The following ABCA9 variants were observed in gnomAD, a reference collection of about 807,000 sequenced individuals.
The protein encoded by ABCA9 is ATP-binding cassette sub-family A member 9.
In ABCA9, 183 loss-of-function variants were observed where a neutral mutation model predicts 205.3. The observed-to-expected ratio is 0.89, with a 90% CI of 0.79 to 1.01. The LOEUF is 1.01. ABCA9 is among the 50% of genes least tolerant of loss of function. ABCA9 has a pLI of 0.00. For synonymous variants in ABCA9, 651 were observed against 683.3 expected, an observed-to-expected ratio of 0.95 and a Z score of 0.74; for missense variants, 1,805 against 1,912.4, an observed-to-expected ratio of 0.94 and a Z score of 1.05.
chr17:69,076,073 A>C, the ABCA9 span, among the ~76,000 whole-genome samples: 3 of 152,148 alleles, frequency 2.0e-5, no homozygotes. Flanking sequence ...GGAGTGGTGA[A>C]AGTGAGCATC....
At chr17:68,984,766 CTAAA>C (rs2069173355) in intron 34 of ABCA9, 115 bp downstream of exon 34, 1 of 1,342,380 alleles carries the variant, frequency 7.4e-7, no homozygotes, top group Non-Finnish European at 1.0e-6. Flanking sequence ...ATTTTTTTTC[CTAAA>C]ATATTGCTTT....
chr17:69,066,580 G>A, the ABCA9 span, among the ~76,000 whole-genome samples: 673 of 151,728 alleles, frequency 4.4e-3, 5 homozygotes, highest in African/African-American at 0.015. Context: ...GAGGGGCTGC[G>A]TAAGACGGTA....
intron 1 of ABCA9, among the ~76,000 whole-genome samples, chr17:69,055,422 A>C (rs2072038688): frequency 6.6e-6 from 1 of 152,232 alleles, no homozygotes; most frequent in Admixed American, 6.5e-5. Context: ...GAAAATTATC[A>C]GGGATAAAGT....
At chr17:69,035,901 G>A (rs1047509291) in intron 6 of ABCA9, 100 bp from the exon 7 acceptor site, 14 of 1,419,546 alleles carry the variant, frequency 9.9e-6, no homozygotes, top group Admixed American at 7.2e-5. Flanking sequence ...CATTTATCAA[G>A]GGTAAAGGAA....
chr17:69,032,078 A>C (rs1184418739), intron 10 of ABCA9, 30 bp downstream of exon 10: 1 of 1,584,982 alleles, frequency 6.3e-7, no homozygotes, highest in East Asian at 2.2e-5. Context: ...CCTGTTCTCC[A>C]TTGGTGCCTC....
chr17:68,986,378 T>C, intron 31 of ABCA9, 54 bp from the exon 32 acceptor site: 3 of 1,518,518 alleles, frequency 2.0e-6, no homozygotes, highest in Non-Finnish European at 8.9e-7. Flanking sequence ...CGTATATGTA[T>C]ATGCATGTAA....
At chr17:69,045,903 C>T (rs1278998546) in intron 3 of ABCA9, among the ~76,000 whole-genome samples, 3 of 152,112 alleles carry the variant, frequency 2.0e-5, no homozygotes, top group South Asian at 2.1e-4. Flanking sequence ...ATGGGGATTA[C>T]AATTCAAGAT....
At chr17:68,998,831 T>A (rs1040564070) in intron 25 of ABCA9, among the ~76,000 whole-genome samples, 7 of 149,616 alleles carry the variant, frequency 4.7e-5, no homozygotes, top group Non-Finnish European at 7.4e-5. Context: ...ATCTAAAATT[T>A]CTTTTTTTTT....
chr17:69,046,960 G>T (rs555512141), intron 3 of ABCA9, among the ~76,000 whole-genome samples: 180 of 138,946 alleles, frequency 1.3e-3, no homozygotes, highest in Non-Finnish European at 2.3e-3. Context: ...TATAATTGTT[G>T]TTTGTTGGTT....
intron 6 of ABCA9, among the ~76,000 whole-genome samples, chr17:69,040,159 G>A (rs1408866619): frequency 6.6e-6 from 1 of 152,136 alleles, no homozygotes; most frequent in Non-Finnish European, 1.5e-5. Context: ...AATTCCTCAA[G>A]GATCTAGAAC....
intron 35 of ABCA9, 41 bp downstream of exon 35, chr17:68,984,015 C>G (rs761764395): frequency 3.1e-6 from 5 of 1,612,334 alleles, no homozygotes; most frequent in Non-Finnish European, 4.2e-6. Context: ...GCTCACAGCA[C>G]ACAACCTAGG....
intron 26 of ABCA9, 41 bp downstream of exon 26, chr17:68,995,854 C>A: frequency 6.2e-7 from 1 of 1,608,006 alleles, no homozygotes; most frequent in Admixed American, 1.7e-5. Context: ...CTCAAATGAC[C>A]ACACATTTCA....
At position 68,995,971 on chromosome 17, in the gene ABCA9, C is replaced by A. The variant is rs778628468; in HGVS notation, c.3479G>T (p.Gly1160Val). ...GGTGCCAAAAAATAGCCCTAGAAAT[C>A]CATATTCATTTAGATCAGTAGCAAC... ...SIVATDLNEYGFLGLFFGTML... is the reference protein window; with the variant it reads ...SIVATDLNEYVFLGLFFGTML... The change falls in exon 26 of 39, where the codon GGA (glycine) becomes GTA (valine). Residue 1160 changes from glycine (G) to valine (V), a missense_variant. Transcript: ENST00000340001. 1.9e-6 allele frequency: 3 copies of A among 1,613,726 alleles called. No homozygotes were observed. Among genetic ancestry groups the A allele is most frequent in the Non-Finnish European group, 2.5e-6 (3 of 1,179,896 alleles).
Position 69,036,483 on chromosome 17 carries a change from G to A in ABCA9, c.801-682C>T, listed in dbSNP as rs551202120. Reference sequence around the variant, plus strand: ...TTCTTTACAGACAAGCAAATGCTGAGGGATTTTGTCACCACCAGGCCTGCC... The same window carrying A: ...TTCTTTACAGACAAGCAAATGCTGAAGGATTTTGTCACCACCAGGCCTGCC... On this transcript the variant is annotated intron_variant, in intron 6 of 38. Transcript: ENST00000340001. Among the ~76,000 whole-genome samples the A allele has an allele frequency of 5.8e-4, 88 of 152,168 alleles. No individual in the cohort carries two copies. In the South Asian group the frequency reaches 0.018, roughly 32 times the overall value.
chr17:68,990,766 A>AAACTT, intron 29 of ABCA9, 71 bp downstream of exon 29: 1 of 1,578,794 alleles, frequency 6.3e-7, no homozygotes. Context: ...TTCGAAAACT[A>AAACTT]AACTTAGAAA....
At chr17:69,068,075 G>C in the ABCA9 span, among the ~76,000 whole-genome samples, 1 of 152,114 alleles carries the variant, frequency 6.6e-6, no homozygotes, top group South Asian at 2.1e-4. Flanking sequence ...ATATATGTTA[G>C]ATTTTGCCTA....
chr17:69,038,522 T>G (rs182652545), intron 6 of ABCA9, among the ~76,000 whole-genome samples: 1 of 152,256 alleles, frequency 6.6e-6, no homozygotes, highest in East Asian at 1.9e-4. Context: ...CAACACCCCT[T>G]CATGCTAAAA....
chr17:69,016,129 C>T (rs970258212), intron 22 of ABCA9, 124 bp downstream of exon 22: 64 of 432,188 alleles, frequency 1.5e-4, no homozygotes, highest in Admixed American at 8.2e-4. Flanking sequence ...TATATACACA[C>T]ACACACACAC....
chr17:68,979,779 T>C (rs1257541448), intron 37 of ABCA9, among the ~76,000 whole-genome samples: 3 of 152,212 alleles, frequency 2.0e-5, no homozygotes, highest in South Asian at 4.1e-4. Context: ...ATACAAAAAT[T>C]AATTCAAGAT....
Sources: gnomAD v4.1 joint callset for allele counts (sites outside exome capture counted in the v4.1 genomes callset) on GRCh38, gnomAD v4.1.1 for gene constraint, MANE v1.5 for transcripts, NCBI Gene and HGNC (gene_info 2026-07-23, HGNC 2026-07-21) for gene names.